Variants in TG observed in about 807,000 individuals in gnomAD.
The protein encoded by TG is thyroid hormones.
A neutral mutation model predicts 324.7 loss-of-function variants in TG; 270 were observed. The observed-to-expected ratio is 0.83, with a 90% CI of 0.75 to 0.92. The LOEUF (loss-of-function observed/expected upper bound fraction) is 0.92, where lower values mean the gene tolerates loss of function less well. TG is among the 40% of genes least tolerant of loss of function. The pLI is 0.00. For missense variants in TG, 3,591 were observed against 3,456.4 expected (o/e 1.04, Z -0.98); for synonymous variants, 1,401 against 1,327.0 (o/e 1.06, Z -1.21).
At chr8:133,040,870 C>G (rs565891784) in intron 41 of TG, among the ~76,000 whole-genome samples, 1 of 152,330 alleles carries the variant, frequency 6.6e-6, no homozygotes, top group Admixed American at 6.5e-5. Context: ...CTCTTTCACT[C>G]TAGAAGCTCA....
intron 25 of TG, among the ~76,000 whole-genome samples, chr8:132,938,681 C>T (rs768922942): frequency 4.6e-5 from 7 of 152,054 alleles, no homozygotes; most frequent in Non-Finnish European, 7.4e-5. Flanking sequence ...GAGGTAAAGA[C>T]GGGTATGAGC....
intron 43 of TG, chr8:133,106,330 C>T (rs1280766190): frequency 1.7e-5 from 15 of 899,170 alleles, no homozygotes; most frequent in African/African-American, 3.6e-5. Context: ...CAGTCGGCTC[C>T]TTACTGAGGC....
chr8:133,132,991 G>A (rs1040612079), intron 46 of TG, among the ~76,000 whole-genome samples: 4 of 152,210 alleles, frequency 2.6e-5, no homozygotes, highest in East Asian at 1.9e-4. Flanking sequence ...AGGGCATGCC[G>A]GAAGACGGGC....
intron 20 of TG, among the ~76,000 whole-genome samples, chr8:132,919,118 C>T (rs1053552297): frequency 2.0e-5 from 3 of 152,026 alleles, no homozygotes; most frequent in African/African-American, 7.3e-5. Context: ...TTTATTTTAC[C>T]CCTATTTGAA....
Position 132,882,919 on chromosome 8 carries a change from C to T in TG, c.995C>T (p.Thr332Met), listed in dbSNP as rs368205742. Residue 332 changes from threonine (T) to methionine (M), a missense_variant, in exon 8 of 48, where the codon ACG becomes ATG. Coordinates refer to ENST00000220616, the MANE Select transcript of TG (RefSeq NM_003235.5). The stretch of plus-strand genomic sequence containing the variant: ...GACTATCAGGCGGTGCAGTGCCAGA[C>T]GGAAGGGCCCTGCTGGTGTGTGGAC... Reference protein sequence around the residue: ...NGDYQAVQCQTEGPCWCVDAQ... With the variant: ...NGDYQAVQCQMEGPCWCVDAQ... 23 of 1,614,060 alleles carry T rather than the reference C, an allele frequency of 1.4e-5. No homozygotes were observed. The highest frequency in any genetic ancestry group is 4.0e-5 in the African/African-American group (3 of 74,930).
At chr8:133,054,281 A>G (rs1840947028) in intron 41 of TG, among the ~76,000 whole-genome samples, 1 of 152,170 alleles carries the variant, frequency 6.6e-6, no homozygotes. Context: ...GACTTAAGAT[A>G]AGGAAACAAA....
intron 40 of TG, among the ~76,000 whole-genome samples, chr8:133,028,337 C>A (rs1836299478): frequency 6.6e-6 from 1 of 152,176 alleles, no homozygotes; most frequent in South Asian, 2.1e-4. Flanking sequence ...CATGTTCTAC[C>A]AATGGCTTCA....
At chr8:133,074,974 C>T (rs897673991) in intron 41 of TG, 6 of 985,312 alleles carry the variant, frequency 6.1e-6, no homozygotes, top group African/African-American at 3.5e-5. Context: ...CCGGGCTTCT[C>T]GCGGTTGTGG....
intron 45 of TG, among the ~76,000 whole-genome samples, chr8:133,118,598 T>G (rs1223799690): frequency 1.3e-5 from 2 of 152,192 alleles, no homozygotes; most frequent in Non-Finnish European, 1.5e-5. Flanking sequence ...GTGCTGGGAT[T>G]ACAGGCGTGA....
Position 133,038,916 on chromosome 8 carries a change from T to C in TG, c.7239+8893T>C, listed in dbSNP as rs186701421. Among the ~76,000 whole-genome samples, 404 of 152,316 alleles carry C rather than the reference T, an allele frequency of 2.7e-3. 1 individual carries two copies. The highest frequency in any genetic ancestry group is 3.9e-3 in the Non-Finnish European group (265 of 68,030). On this transcript the variant is annotated intron_variant, in intron 41 of 47. Transcript: ENST00000220616. Reference sequence around the variant, plus strand: ...ATTTTAAGATGGAGTCTCGCTCTGTTGCCCAGGCTGGAGTGCAGTGGTGCA... The same window carrying C: ...ATTTTAAGATGGAGTCTCGCTCTGTCGCCCAGGCTGGAGTGCAGTGGTGCA...
At chr8:133,092,796 T>C (rs775499145) in intron 41 of TG, among the ~76,000 whole-genome samples, 3 of 152,190 alleles carry the variant, frequency 2.0e-5, no homozygotes, top group African/African-American at 7.2e-5. Context: ...AAATGAAGGC[T>C]GAGTCAACCG....
chr8:132,968,954 C>T (rs565377646), intron 31 of TG, among the ~76,000 whole-genome samples: 11 of 152,286 alleles, frequency 7.2e-5, no homozygotes, highest in South Asian at 2.1e-4. Flanking sequence ...TCTCTTCTGT[C>T]GTCCTGAGAG....
intron 23 of TG, among the ~76,000 whole-genome samples, chr8:132,929,756 G>A (rs541883416): frequency 1.0e-3 from 156 of 152,214 alleles, no homozygotes; most frequent in Non-Finnish European, 1.7e-3. Flanking sequence ...TGGGGTGCAC[G>A]AAAATCTCAG....
rs1445346936 is a variant in TG at position 132,888,465 on chromosome 8, C to T, written c.2658C>T (p.Phe886=). 6.2e-7 allele frequency: 1 copy of T among 1,611,276 alleles called. No homozygotes were observed. Among genetic ancestry groups the T allele is most frequent in the Non-Finnish European group, 8.5e-7 (1 of 1,178,488 alleles). ...AATACCCGGGGTCCTACTCAGACTT[C>T]AGCACTCCTTTGGCACATTTTGATC... ...LSQYPGSYSD[F]STPLAHFDLR... The change falls in exon 10 of 48, where the codon TTC becomes TTT. Residue 886 remains phenylalanine, a synonymous_variant. Coordinates refer to ENST00000220616, the MANE Select transcript of TG (RefSeq NM_003235.5).
chr8:133,081,904 C>G (rs1228491142), intron 41 of TG, among the ~76,000 whole-genome samples: 1 of 152,182 alleles, frequency 6.6e-6, no homozygotes, highest in Non-Finnish European at 1.5e-5. Flanking sequence ...AGGCCCCACT[C>G]AAGAGAACAC....
At chr8:133,069,028 T>A (rs1843540754) in intron 41 of TG, among the ~76,000 whole-genome samples, 1 of 152,232 alleles carries the variant, frequency 6.6e-6, no homozygotes, top group South Asian at 2.1e-4. Flanking sequence ...ATTATTTTAA[T>A]CCTAGCCATT....
intron 40 of TG, among the ~76,000 whole-genome samples, chr8:133,028,987 T>C (rs1836366610): frequency 6.6e-6 from 1 of 151,926 alleles, no homozygotes; most frequent in South Asian, 2.1e-4. Flanking sequence ...ATGTAGGTGG[T>C]AATGAAGGCC....
At chr8:133,128,158 A>C (rs967294483) in intron 45 of TG, among the ~76,000 whole-genome samples, 1 of 152,092 alleles carries the variant, frequency 6.6e-6, no homozygotes, top group African/African-American at 2.4e-5. Flanking sequence ...TCTTGTTAGA[A>C]CGTGAGCTCC....
At chr8:132,960,422 G>A (rs542075906) in intron 27 of TG, among the ~76,000 whole-genome samples, 1 of 152,258 alleles carries the variant, frequency 6.6e-6, no homozygotes, top group African/African-American at 2.4e-5. Flanking sequence ...AAAAGAGGCA[G>A]CACTGACCAT....
Sources: gnomAD v4.1 joint callset for allele counts (sites outside exome capture counted in the v4.1 genomes callset) on GRCh38, gnomAD v4.1.1 for gene constraint, MANE v1.5 for transcripts, NCBI Gene and HGNC (gene_info 2026-07-23, HGNC 2026-07-21) for gene names.